Variants in VIT observed in about 807,000 individuals in gnomAD.
VIT encodes vitrin.
Under a neutral mutation model 78.0 loss-of-function variants are expected in VIT, and 99 were observed. The ratio of observed to expected loss-of-function variants is 1.27; its 90% CI spans 1.08 to 1.50. The LOEUF (loss-of-function observed/expected upper bound fraction) is 1.50, where lower values mean the gene tolerates loss of function less well. VIT is among the 40% of genes most tolerant of loss of function. The pLI, the probability that VIT is intolerant of heterozygous loss-of-function variation, is 0.00. For missense variants in VIT, 1,126 were observed against 875.3 expected, an observed-to-expected ratio of 1.29 and a Z score of -3.61; for synonymous variants, 374 against 334.3, an observed-to-expected ratio of 1.12 and a Z score of -1.29.
At chr2:36,712,958 C>T (rs1371362523) in intron 1 of VIT, among the ~76,000 whole-genome samples, 1 of 152,230 alleles carries the variant, frequency 6.6e-6, no homozygotes, top group Non-Finnish European at 1.5e-5. Flanking sequence ...ATTACTCACA[C>T]ATTGATTCAA....
chr2:36,741,272 G>A (rs140347751), intron 3 of VIT, among the ~76,000 whole-genome samples: 48 of 152,306 alleles, frequency 3.2e-4, no homozygotes, highest in Middle Eastern at 3.4e-3. Flanking sequence ...GCAGCCTTGA[G>A]TATCAGAGTT....
Position 36,775,029 on chromosome 2 carries a change from C to A in VIT, c.764C>A (p.Ala255Asp), listed in dbSNP as rs1460254162. The change falls in exon 9 of 16, where the codon GCT becomes GAT. Residue 255 changes from alanine (A) to aspartate (D), a missense_variant. Coordinates refer to ENST00000379242, the MANE Select transcript of VIT (RefSeq NM_053276.4). Reference sequence around the variant, plus strand: ...ATCCAAAGGCAAGATCCTTCAGGAGCTGCCTTCCAGAAACCTGTTGGAGCG... The same window carrying A: ...ATCCAAAGGCAAGATCCTTCAGGAGATGCCTTCCAGAAACCTGTTGGAGCG... The part of the protein sequence containing the change: ...PGIQRQDPSG[A>D]AFQKPVGADV... 1 of 1,614,124 alleles carries A rather than the reference C, an allele frequency of 6.2e-7. No homozygotes were observed. Among genetic ancestry groups the A allele is most frequent in the African/African-American group, 1.3e-5 (1 of 75,040 alleles).
intron 12 of VIT, among the ~76,000 whole-genome samples, chr2:36,790,502 C>A (rs1011820165): frequency 6.6e-6 from 1 of 152,172 alleles, no homozygotes; most frequent in Admixed American, 6.5e-5. Flanking sequence ...CCTGCGGGAC[C>A]CATAACTCAC....
At chr2:36,717,617 T>G (rs1666249172) in intron 2 of VIT, among the ~76,000 whole-genome samples, 2 of 152,108 alleles carry the variant, frequency 1.3e-5, no homozygotes, top group Non-Finnish European at 2.9e-5. Context: ...GTAGGTCAAC[T>G]AGAAGTGCTC....
chr2:36,774,776 C>T (rs1378470935), intron 8 of VIT: 5 of 985,288 alleles, frequency 5.1e-6, no homozygotes, highest in Non-Finnish European at 6.0e-6. Context: ...TCTACAGACT[C>T]GTGGGACTCT....
Position 36,758,964 on chromosome 2 carries a change from TGCAG to T in VIT, c.410-4_410-1del. The stretch of plus-strand genomic sequence containing the variant: ...AATCTCGTTTTTTTTTTCTCTTTTT[TGCAG>T]AAAGTAAACCCAAAAAGGGTGTAAC... On this transcript the variant is annotated splice_acceptor_variant and splice_polypyrimidine_tract_variant and intron_variant, in intron 5 of 15. Transcript: ENST00000379242. LOFTEE classifies it high-confidence loss of function. The T allele has an allele frequency of 1.2e-6, 2 of 1,612,288 alleles. No individual in the cohort carries two copies. Among genetic ancestry groups the T allele is most frequent in the Admixed American group, 3.3e-5 (2 of 59,734 alleles).
intron 4 of VIT, among the ~76,000 whole-genome samples, chr2:36,752,475 A>T (rs1430326685): frequency 1.3e-5 from 2 of 152,204 alleles, no homozygotes; most frequent in Non-Finnish European, 2.9e-5. Flanking sequence ...GCTCAGCACC[A>T]TGCAGGGCAC....
chr2:36,769,733 A>G (rs12619717), intron 7 of VIT, among the ~76,000 whole-genome samples: 5,172 of 152,218 alleles, frequency 0.034, 214 homozygotes, highest in African/African-American at 0.097. Flanking sequence ...GTACAAATCA[A>G]TGGTTTTTCG....
intron 6 of VIT, among the ~76,000 whole-genome samples, chr2:36,765,695 C>T: frequency 6.6e-6 from 1 of 152,232 alleles, no homozygotes; most frequent in East Asian, 1.9e-4. Flanking sequence ...ACTAAAGTGG[C>T]ATGGCCACAA....
rs531679029 is a variant in VIT at position 36,766,089 on chromosome 2, C to A, written c.488-1005C>A. 2.6e-5 allele frequency among the ~76,000 whole-genome samples: 4 copies of A among 152,382 alleles called. No homozygotes were observed. The South Asian group carries it at 8.3e-4, about 32-fold the overall frequency. On this transcript the variant is annotated intron_variant, in intron 6 of 15. Transcript: ENST00000379242. ...ACAAACCCCAATGCCCAGTGGGTAG[C>A]CACTTGTCCCCTTGCTCTAAACCTT...
intron 13 of VIT, among the ~76,000 whole-genome samples, chr2:36,801,727 G>T (rs1446615629): frequency 6.7e-6 from 1 of 149,692 alleles, no homozygotes; most frequent in South Asian, 2.1e-4. Flanking sequence ...AGTGAGCCAA[G>T]ATGGCGCCAC....
In VIT at chr2:36,743,153, T is replaced by C. The variant is rs201691011; in HGVS notation, c.172T>C (p.Phe58Leu). The C allele has an allele frequency of 7.1e-5, 114 of 1,613,960 alleles. No homozygotes were observed. Among genetic ancestry groups the C allele is most frequent in the Non-Finnish European group, 7.7e-5 (91 of 1,179,954 alleles). Residue 58 changes from phenylalanine to leucine, a missense_variant, in exon 4 of 16, where the codon TTC (phenylalanine) becomes CTC (leucine). Transcript: ENST00000379242. ...AGCCGGAAAGATCATCGATCCTGAG[T>C]TCATTGTGAAATGTCCAGCAGGATG... ...VKAGKIIDPE[F>L]IVKCPAGCQD...
chr2:36,813,087 A>T (rs1306676352), intron 15 of VIT, among the ~76,000 whole-genome samples: 1 of 146,916 alleles, frequency 6.8e-6, no homozygotes, highest in East Asian at 2.0e-4. Flanking sequence ...TGATCCACCC[A>T]CCTCAGCCTC....
intron 4 of VIT, among the ~76,000 whole-genome samples, chr2:36,744,092 G>A (rs1221682102): frequency 6.6e-6 from 1 of 152,118 alleles, no homozygotes; most frequent in Non-Finnish European, 1.5e-5. Context: ...AGTTCACTTA[G>A]GATAATGGCC....
At chr2:36,768,090 C>T (rs1669542530) in intron 7 of VIT, among the ~76,000 whole-genome samples, 1 of 152,196 alleles carries the variant, frequency 6.6e-6, no homozygotes, top group African/African-American at 2.4e-5. Context: ...CCCCTCTCCG[C>T]TCCCATAGCA....
chr2:36,759,525 TG>T, intron 6 of VIT: 1 of 1,111,172 alleles, frequency 9.0e-7, no homozygotes, highest in Non-Finnish European at 1.1e-6. Flanking sequence ...TCAGCTTTCA[TG>T]TGAACCACAA....
chr2:36,808,329 G>A (rs759691254), intron 14 of VIT, 143 bp from the exon 15 acceptor site: 272 of 1,215,432 alleles, frequency 2.2e-4, no homozygotes, highest in Non-Finnish European at 2.9e-4. Context: ...TGGGTGAACC[G>A]AGATGGAAGA....
At chr2:36,814,143 T>C (rs1483906845) in intron 15 of VIT, 40 bp from the exon 16 acceptor site, 3 of 1,596,782 alleles carry the variant, frequency 1.9e-6, no homozygotes, top group East Asian at 4.5e-5. Context: ...GCAGCACCTT[T>C]ACTTGGGGAC....
rs1311786705 is a variant in VIT at position 36,801,375 on chromosome 2, T to C, written c.1133T>C (p.Ile378Thr). ...GATCTGAAGACAGCCATAGAGAAAA[T>C]TACTCAGAGAGGAGGACTTTCTAAT... ...SRDLKTAIEK[I>T]TQRGGLSNVG... The change falls in exon 13 of 16, where the codon ATT becomes ACT. Residue 378 changes from isoleucine (I) to threonine (T), a missense_variant. Ile to Thr is a moderately conservative substitution (Grantham distance 89). Transcript: ENST00000379242. 1.8e-5 allele frequency: 29 copies of C among 1,613,780 alleles called. No homozygotes were observed. The highest frequency in any genetic ancestry group is 2.5e-5 in the Non-Finnish European group (29 of 1,179,940).
Sources: allele counts gnomAD v4.1 joint callset (sites outside exome capture counted in the v4.1 genomes callset), GRCh38; gene constraint gnomAD v4.1.1; transcripts MANE v1.5; gene names NCBI Gene and HGNC (gene_info 2026-07-23, HGNC 2026-07-21).